The following KHDRBS3 variants were observed in gnomAD, a reference collection of about 807,000 sequenced individuals.
The protein encoded by KHDRBS3 is KH RNA binding domain containing, signal transduction associated 3.
A neutral mutation model predicts 45.6 loss-of-function variants in KHDRBS3; 23 were observed. The observed-to-expected ratio is 0.50, with a 90% confidence interval of 0.36 to 0.72. KHDRBS3 has a LOEUF of 0.72. KHDRBS3 is among the 30% of genes least tolerant of loss of function. The pLI is 0.00. For synonymous variants in KHDRBS3, 162 were observed against 156.5 expected, an observed-to-expected ratio of 1.04 and a Z score of -0.26; for missense variants, 352 against 424.8, an observed-to-expected ratio of 0.83 and a Z score of 1.51.
intron 5 of KHDRBS3, among the ~76,000 whole-genome samples, chr8:135,567,230 C>T (rs1382756908): frequency 6.6e-6 from 1 of 151,804 alleles, no homozygotes; most frequent in East Asian, 1.9e-4. Flanking sequence ...TCAGAAAACT[C>T]TGGGTGCAAC....
chr8:135,640,075 T>C (rs894781917), intron 7 of KHDRBS3, among the ~76,000 whole-genome samples: 1 of 152,120 alleles, frequency 6.6e-6, no homozygotes. Context: ...AGATTGAGAC[T>C]ATATAAGGGA....
intron 5 of KHDRBS3, among the ~76,000 whole-genome samples, chr8:135,578,593 G>T (rs117593775): frequency 6.6e-6 from 1 of 151,852 alleles, no homozygotes; most frequent in African/African-American, 2.4e-5. Flanking sequence ...CTTTTCTTTC[G>T]CAAATACCGC....
intron 5 of KHDRBS3, among the ~76,000 whole-genome samples, chr8:135,563,030 C>T (rs1018334006): frequency 6.6e-6 from 1 of 152,154 alleles, no homozygotes; most frequent in Non-Finnish European, 1.5e-5. Context: ...CTTTAATCAT[C>T]TCTGCCATCC....
At chr8:135,479,791 A>G (rs925617491) in intron 1 of KHDRBS3, among the ~76,000 whole-genome samples, 4 of 152,196 alleles carry the variant, frequency 2.6e-5, no homozygotes, top group Non-Finnish European at 5.9e-5. Flanking sequence ...TTTAGACCAT[A>G]GAAGCTTCCC....
chr8:135,571,867 T>G (rs754324634), intron 5 of KHDRBS3, among the ~76,000 whole-genome samples: 1 of 152,156 alleles, frequency 6.6e-6, no homozygotes, highest in Non-Finnish European at 1.5e-5. Context: ...TTCAATAAAA[T>G]GGAGATAGAA....
intron 1 of KHDRBS3, among the ~76,000 whole-genome samples, chr8:135,481,233 T>TAA (rs1348558284): frequency 1.6e-5 from 1 of 62,828 alleles, no homozygotes; most frequent in Admixed American, 1.8e-4. Context: ...GATATATATA[T>TAA]ATATATATAT....
At chr8:135,498,668 AAT>A (rs1823580373) in intron 1 of KHDRBS3, among the ~76,000 whole-genome samples, 2 of 152,218 alleles carry the variant, frequency 1.3e-5, no homozygotes, top group South Asian at 4.1e-4. Context: ...AATGAATGAA[AAT>A]GGTTTCAAGT....
intron 2 of KHDRBS3, among the ~76,000 whole-genome samples, chr8:135,537,257 G>A (rs142135874): frequency 1.8e-3 from 267 of 152,256 alleles, no homozygotes; most frequent in Middle Eastern, 3.4e-3. Context: ...TGAGTGTTGT[G>A]TTAGAGGTCA....
intron 6 of KHDRBS3, among the ~76,000 whole-genome samples, chr8:135,592,159 G>C (rs541236183): frequency 3.3e-5 from 5 of 152,132 alleles, no homozygotes; most frequent in African/African-American, 1.2e-4. Flanking sequence ...TGCCTAAATT[G>C]CTTGAAAGGT....
chr8:135,473,818 T>C (rs1415160927), intron 1 of KHDRBS3, among the ~76,000 whole-genome samples: 1 of 152,152 alleles, frequency 6.6e-6, no homozygotes, highest in Non-Finnish European at 1.5e-5. Flanking sequence ...AAAGGGCCCC[T>C]CCTCAGAAGA....
intron 7 of KHDRBS3, among the ~76,000 whole-genome samples, chr8:135,633,972 A>G (rs1805136983): frequency 6.6e-6 from 1 of 152,212 alleles, no homozygotes; most frequent in South Asian, 2.1e-4. Context: ...TGTGTCCACC[A>G]TGAGAGTATC....
intron 5 of KHDRBS3, among the ~76,000 whole-genome samples, chr8:135,580,624 A>G (rs887507976): frequency 2.9e-3 from 109 of 37,916 alleles, no homozygotes; most frequent in Non-Finnish European, 4.5e-3. Flanking sequence ...TTTTTTTTTT[A>G]ATTTTTCTGA....
intron 8 of KHDRBS3, among the ~76,000 whole-genome samples, 170 bp downstream of exon 8, chr8:135,645,287 A>T (rs190853418): frequency 6.6e-6 from 1 of 152,342 alleles, no homozygotes; most frequent in East Asian, 1.9e-4. Flanking sequence ...TTATATAAAT[A>T]TTTGAAGAGG....
At chr8:135,476,438 G>A (rs977018754) in intron 1 of KHDRBS3, among the ~76,000 whole-genome samples, 1 of 152,048 alleles carries the variant, frequency 6.6e-6, no homozygotes, top group African/African-American at 2.4e-5. Context: ...CACGGCGCCC[G>A]ACCCCCATTT....
At chr8:135,465,649 A>G (rs191652146) in intron 1 of KHDRBS3, among the ~76,000 whole-genome samples, 136 of 152,330 alleles carry the variant, frequency 8.9e-4, no homozygotes, top group Non-Finnish European at 1.6e-3. Flanking sequence ...AAGACTGCAT[A>G]TCTTAAAACA....
chr8:135,630,724 T>C (rs540339044), intron 7 of KHDRBS3, among the ~76,000 whole-genome samples: 5 of 152,238 alleles, frequency 3.3e-5, no homozygotes, highest in African/African-American at 1.2e-4. Context: ...GTGGTCAGTA[T>C]CTGTGTATCT....
intron 2 of KHDRBS3, among the ~76,000 whole-genome samples, chr8:135,521,875 C>T (rs1824926956): frequency 6.6e-6 from 1 of 152,124 alleles, no homozygotes; most frequent in Admixed American, 6.5e-5. Context: ...TGTCTAGGCA[C>T]TTTTAATTTT....
chr8:135,482,011 A>G (rs535465618), intron 1 of KHDRBS3, among the ~76,000 whole-genome samples: 1 of 152,184 alleles, frequency 6.6e-6, no homozygotes, highest in African/African-American at 2.4e-5. Flanking sequence ...TTCAAATAGA[A>G]TTTGTTGTTC....
At chr8:135,642,807 T>A (rs1413816877) in intron 7 of KHDRBS3, among the ~76,000 whole-genome samples, 1 of 151,834 alleles carries the variant, frequency 6.6e-6, no homozygotes, top group Admixed American at 6.6e-5. Context: ...TTTTTTTTTT[T>A]TTCTGTGATG....
Sources: gnomAD v4.1 joint callset for allele counts (sites outside exome capture counted in the v4.1 genomes callset) on GRCh38, gnomAD v4.1.1 for gene constraint, MANE v1.5 for transcripts, NCBI Gene and HGNC (gene_info 2026-07-23, HGNC 2026-07-21) for gene names.